FRYL: variants seen among roughly 807,000 people sequenced by gnomAD.
FRYL encodes the protein FRY like transcription coactivator.
FRYL carries 150 observed loss-of-function variants against 351.2 expected under a neutral mutation model. The observed-to-expected ratio is 0.43, with a 90% CI of 0.37 to 0.49. The LOEUF (loss-of-function observed/expected upper bound fraction) is 0.49, where lower values mean the gene tolerates loss of function less well. Among genes scored for constraint, FRYL ranks in the 20% least tolerant of loss-of-function variants. FRYL has a pLI of 0.00. For missense variants in FRYL, 3,036 were observed against 3,619.3 expected, an observed-to-expected ratio of 0.84 and a Z score of 4.13; for synonymous variants, 1,153 against 1,257.1, an observed-to-expected ratio of 0.92 and a Z score of 1.75.
At chr4:48,545,793 T>C (rs1731205175) in intron 42 of FRYL, among the ~76,000 whole-genome samples, 1 of 152,322 alleles carries the variant, frequency 6.6e-6, no homozygotes, top group Non-Finnish European at 1.5e-5. Context: ...GACTGAATGA[T>C]AATGTAGCTA....
At chr4:48,587,497 T>C (rs1213220047) in intron 18 of FRYL, among the ~76,000 whole-genome samples, 4 of 152,158 alleles carry the variant, frequency 2.6e-5, no homozygotes, top group South Asian at 4.1e-4. Context: ...ATAATCCTTA[T>C]GTAGAAAAGA....
intron 2 of FRYL, among the ~76,000 whole-genome samples, chr4:48,700,029 C>T (rs1354071214): frequency 1.3e-5 from 2 of 152,020 alleles, no homozygotes; most frequent in East Asian, 1.9e-4. Context: ...GAACAGAGTC[C>T]GACTGCCTAT....
intron 3 of FRYL, among the ~76,000 whole-genome samples, chr4:48,666,125 G>C (rs1761673535): frequency 1.3e-5 from 2 of 152,188 alleles, no homozygotes; most frequent in South Asian, 4.1e-4. Context: ...ACTTTGAGAG[G>C]CCAAGGCGGG....
At position 48,731,313 on chromosome 4, in the gene FRYL, C is replaced by T. The variant is rs6850983; in HGVS notation, c.-383-20615G>A. Among the ~76,000 whole-genome samples, 431 of 152,238 alleles carry T rather than the reference C, an allele frequency of 2.8e-3. 1 individual carries two copies. The highest frequency in any genetic ancestry group is 9.9e-3 in the African/African-American group (411 of 41,556). ...CACAAACAAATGGAAAAACATTCGA[C>T]GCTCATGGATAGGAAGAATCAATAT... is the stretch of plus-strand genomic sequence containing the variant. On this transcript the variant is annotated intron_variant, in intron 1 of 63. Coordinates refer to ENST00000358350, the MANE Select transcript of FRYL (RefSeq NM_015030.2).
chr4:48,620,492 C>G, intron 6 of FRYL, 147 bp downstream of exon 6: 1 of 763,390 alleles, frequency 1.3e-6, no homozygotes, highest in African/African-American at 1.7e-5. Context: ...TGTGAACTAT[C>G]CTTCTCCCTT....
intron 55 of FRYL, 142 bp from the exon 56 acceptor site, chr4:48,515,417 G>A: frequency 1.6e-6 from 1 of 640,808 alleles, no homozygotes; most frequent in South Asian, 2.0e-5. Flanking sequence ...GGCTGGAGTG[G>A]AGTGCAATGG....
At chr4:48,581,355 G>A (rs1740865542) in intron 21 of FRYL, 65 bp downstream of exon 21, 4 of 1,421,486 alleles carry the variant, frequency 2.8e-6, no homozygotes, top group Non-Finnish European at 2.9e-6. Context: ...ATGGGATAAG[G>A]ATGGACAAAG....
chr4:48,762,421 CT>C (rs1396204736), intron 1 of FRYL, among the ~76,000 whole-genome samples: 1 of 152,132 alleles, frequency 6.6e-6, no homozygotes, highest in African/African-American at 2.4e-5. Context: ...TAATAATGAA[CT>C]CTTGTGTTGC....
Position 48,557,209 on chromosome 4 carries a change from T to C in FRYL, c.4126-91A>G. On this transcript the variant is annotated intron_variant, in intron 34 of 63. Coordinates refer to ENST00000358350, the MANE Select transcript of FRYL (RefSeq NM_015030.2). ...TACCATGAAATATTAAAAAATGTTT[T>C]GTACAGATAGCTTTAATCGTTTCCA... 4.8e-6 allele frequency: 7 copies of C among 1,447,138 alleles called. No individual in the cohort carries two copies. The South Asian group carries it at 5.7e-5, about 12-fold the overall frequency. The allele number at this position is 1,447,138 out of a possible 1,614,324, so 89.6% of individuals were successfully genotyped here.
At chr4:48,571,509 T>C (rs1738319352) in intron 26 of FRYL, among the ~76,000 whole-genome samples, 1 of 152,226 alleles carries the variant, frequency 6.6e-6, no homozygotes, top group East Asian at 1.9e-4. Flanking sequence ...ATGTAAGAGA[T>C]ATCAATCACC....
In FRYL at chr4:48,534,587, C is replaced by A; in HGVS notation, c.6663G>T (p.Gln2221His). 6.2e-7 allele frequency: 1 copy of A among 1,612,972 alleles called. No individual in the cohort carries two copies. Among genetic ancestry groups the A allele is most frequent in the Non-Finnish European group, 8.5e-7 (1 of 1,179,248 alleles). The change falls in exon 49 of 64, where the codon CAG (glutamine) becomes CAT (histidine). Residue 2221 changes from glutamine (Q) to histidine (H), a missense_variant. Physicochemically the swap from Gln to His is conservative, Grantham distance 24 (BLOSUM62 0). Around this residue, in one of 7 missense-constraint regions of FRYL, gnomAD observed 1,987 missense variants for 2,311.7 expected, o/e 0.86. Transcript: ENST00000358350. ...HIDLSAAPAK[Q>H]FNLEIIKIIG... is the part of the protein sequence containing the mutation. ...TAATCTTTATGATCTCCAGATTAAA[C>A]TGCTTGGCTGGGGCTGCAGACAGGT... is the stretch of plus-strand genomic sequence containing the variant.
chr4:48,627,751 C>G (rs1752110410), intron 4 of FRYL, among the ~76,000 whole-genome samples: 1 of 152,054 alleles, frequency 6.6e-6, no homozygotes, highest in South Asian at 2.1e-4. Flanking sequence ...TGCCCTAATG[C>G]TTGCTCAAGT....
chr4:48,502,065 A>T (rs1719806394), intron 61 of FRYL, among the ~76,000 whole-genome samples: 1 of 152,260 alleles, frequency 6.6e-6, no homozygotes, highest in South Asian at 2.1e-4. Flanking sequence ...AATAATCTAC[A>T]AATGCAAAGA....
chr4:48,595,737 A>C, intron 14 of FRYL, 39 bp from the exon 15 acceptor site: 1 of 1,356,830 alleles, frequency 7.4e-7, no homozygotes, highest in Non-Finnish European at 1.0e-6. Context: ...AGATCATAAC[A>C]TCAACAGCAT....
At chr4:48,554,948 G>C (rs1733760623) in intron 35 of FRYL, among the ~76,000 whole-genome samples, 1 of 152,156 alleles carries the variant, frequency 6.6e-6, no homozygotes, top group African/African-American at 2.4e-5. Flanking sequence ...ACAAGAGTGA[G>C]AACTTGAGGA....
chr4:48,536,526 T>C (rs1728931358), intron 47 of FRYL, among the ~76,000 whole-genome samples: 1 of 152,162 alleles, frequency 6.6e-6, no homozygotes, highest in Admixed American at 6.5e-5. Flanking sequence ...AACTAATGTT[T>C]GGGGGGAATT....
intron 3 of FRYL, among the ~76,000 whole-genome samples, chr4:48,649,633 A>T (rs1261831591): frequency 6.6e-6 from 1 of 152,210 alleles, no homozygotes; most frequent in Non-Finnish European, 1.5e-5. Context: ...GGTTTAACAG[A>T]ATGTTCCTGA....
chr4:48,649,637 T>C (rs1346237585), intron 3 of FRYL, among the ~76,000 whole-genome samples: 4 of 152,212 alleles, frequency 2.6e-5, no homozygotes, highest in Admixed American at 1.3e-4. Context: ...TAACAGAATG[T>C]TCCTGATTCA....
chr4:48,601,776 T>C (rs1327839265), intron 13 of FRYL, among the ~76,000 whole-genome samples: 1 of 152,138 alleles, frequency 6.6e-6, no homozygotes, highest in East Asian at 1.9e-4. Flanking sequence ...TAAATATCAC[T>C]AAAAATGTAC....
Sources: allele counts gnomAD v4.1 joint callset (sites outside exome capture counted in the v4.1 genomes callset), GRCh38; gene constraint gnomAD v4.1.1; regional missense constraint gnomAD v4.1.1; transcripts MANE v1.5; gene names NCBI Gene and HGNC (gene_info 2026-07-23, HGNC 2026-07-21).